MYBPC1: variants seen among roughly 807,000 people sequenced by gnomAD.
The protein encoded by MYBPC1 is myosin-binding protein C, slow-type.
In MYBPC1, 52 loss-of-function variants were observed where a neutral mutation model predicts 147.1. The ratio of observed to expected loss-of-function variants is 0.35; its 90% confidence interval spans 0.28 to 0.45. The LOEUF (loss-of-function observed/expected upper bound fraction) is 0.45, where lower values mean the gene tolerates loss of function less well. Among genes scored for constraint, MYBPC1 ranks in the 20% least tolerant of loss-of-function variants. The pLI is 1.00. For synonymous variants in MYBPC1, 477 were observed against 475.9 expected (o/e 1.00, Z -0.03); for missense variants, 1,228 against 1,440.3 (o/e 0.85, Z 2.39).
intron 6 of MYBPC1, among the ~76,000 whole-genome samples, chr12:101,630,094 C>G (rs565887939): frequency 2.0e-5 from 3 of 152,196 alleles, no homozygotes; most frequent in Non-Finnish European, 4.4e-5. Context: ...TGCTTTGTCT[C>G]TCTGGATTTA....
chr12:101,679,726 A>T (rs552737712), intron 28 of MYBPC1, among the ~76,000 whole-genome samples: 2 of 152,318 alleles, frequency 1.3e-5, no homozygotes, highest in Admixed American at 1.3e-4. Flanking sequence ...AGGCAGATGC[A>T]GTTCATAAAG....
rs558779402 is a variant in MYBPC1 at position 101,672,009 on chromosome 12, A to G, written c.2614-1418A>G. On this transcript the variant is annotated intron_variant, in intron 24 of 31. Transcript: ENST00000361466. ...AAAGGGAAGTTAAGTGACTTGCCCA[A>G]TGTCACACAGAAAGTCAATGGTAGG... Among the ~76,000 whole-genome samples the G allele has an allele frequency of 6.6e-5, 10 of 152,336 alleles. No homozygotes were observed. The East Asian group carries it at 7.7e-4, about 12-fold the overall frequency.
chr12:101,639,000 T>A (rs1891513922), intron 10 of MYBPC1, among the ~76,000 whole-genome samples: 1 of 152,078 alleles, frequency 6.6e-6, no homozygotes, highest in Non-Finnish European at 1.5e-5. Context: ...CTCCTCCAAG[T>A]GTGTGTGCCA....
In MYBPC1 at chr12:101,632,124, A is replaced by C; in HGVS notation, c.542A>C (p.Asp181Ala). ...YKDKFDSCSF[D>A]LEVHESTGTT... is the part of the protein sequence containing the mutation. ...GATAAGTTTGACAGCTGTTCATTTG[A>C]TCTTGAAGTGCACGGTAAGAGAGCC... Residue 181 changes from aspartate to alanine, a missense_variant, in exon 8 of 32, where the codon GAT becomes GCT. Around this residue, in one of 2 missense-constraint regions of MYBPC1, gnomAD observed 1,077 missense variants for 1,314.2 expected, o/e 0.82. Coordinates refer to ENST00000361466, the MANE Select transcript of MYBPC1 (RefSeq NM_002465.4). The C allele has an allele frequency of 1.2e-6, 2 of 1,610,620 alleles. No individual in the cohort carries two copies. The highest frequency in any genetic ancestry group is 1.7e-6 in the Non-Finnish European group (2 of 1,176,788).
Position 101,612,578 on chromosome 12 carries a change from A to G in MYBPC1, c.26-1918A>G, listed in dbSNP as rs140523219. Among the ~76,000 whole-genome samples the G allele has an allele frequency of 2.9e-3, 436 of 152,340 alleles. 9 individuals are homozygous for G. Among genetic ancestry groups the G allele is most frequent in the Admixed American group, 0.027 (414 of 15,306 alleles). ...AATAATAGAAATACTTTCAAGTAGA[A>G]TAATGGGATGAAACACAGTTGTAGG... On this transcript the variant is annotated intron_variant, in intron 1 of 31. Coordinates refer to ENST00000361466, the MANE Select transcript of MYBPC1 (RefSeq NM_002465.4).
In MYBPC1 at chr12:101,684,365, C is replaced by G. The variant is rs1951223110; in HGVS notation, c.3493-17C>G. ...GCTTACGACTTCTCTCTCTCTCCCT[C>G]TTTCTCTTTTCCTTAGTCATTGCAC... On this transcript the variant is annotated splice_polypyrimidine_tract_variant and intron_variant, in intron 30 of 31. Coordinates refer to ENST00000361466, the MANE Select transcript of MYBPC1 (RefSeq NM_002465.4). 2 of 1,566,032 alleles carry G rather than the reference C, an allele frequency of 1.3e-6. No individual in the cohort carries two copies. Among genetic ancestry groups the G allele is most frequent in the Non-Finnish European group, 1.7e-6 (2 of 1,145,688 alleles).
At chr12:101,649,998 T>C (rs948065199) in intron 15 of MYBPC1, among the ~76,000 whole-genome samples, 1 of 152,196 alleles carries the variant, frequency 6.6e-6, no homozygotes, top group Admixed American at 6.5e-5. Flanking sequence ...AGAGCAGAAA[T>C]CTTACTTCCA....
At chr12:101,652,243 T>A (rs1191125306) in intron 16 of MYBPC1, among the ~76,000 whole-genome samples, 7 of 152,198 alleles carry the variant, frequency 4.6e-5, no homozygotes, top group Non-Finnish European at 1.0e-4. Flanking sequence ...ATAGTGTCCA[T>A]CAGATATTCA....
At chr12:101,614,133 C>G (rs968576785) in intron 1 of MYBPC1, among the ~76,000 whole-genome samples, 9 of 152,296 alleles carry the variant, frequency 5.9e-5, no homozygotes, top group African/African-American at 1.9e-4. Flanking sequence ...GGCAGGAAAA[C>G]AGGCTCAGCA....
the MYBPC1 span, among the ~76,000 whole-genome samples, chr12:101,693,211 G>A: frequency 2.0e-5 from 3 of 152,274 alleles, no homozygotes; most frequent in African/African-American, 7.2e-5. Flanking sequence ...CTCCCAAGGT[G>A]CTGGGATTAC....
Position 101,675,284 on chromosome 12 carries a change from T to A in MYBPC1, c.2810-8T>A, listed in dbSNP as rs1566006139. ...ACCTTGCAGTGACACCATGAATTCATCCTGTAGACCGTCCAGGTCCACCCC... is the reference window on the plus strand; with the variant it reads ...ACCTTGCAGTGACACCATGAATTCAACCTGTAGACCGTCCAGGTCCACCCC... On this transcript the variant is annotated splice_region_variant and splice_polypyrimidine_tract_variant and intron_variant, in intron 25 of 31. Coordinates refer to ENST00000361466, the MANE Select transcript of MYBPC1 (RefSeq NM_002465.4). The A allele has an allele frequency of 6.2e-7, 1 of 1,613,926 alleles. No individual in the cohort carries two copies. Among genetic ancestry groups the A allele is most frequent in the East Asian group, 2.2e-5 (1 of 44,878 alleles).
chr12:101,652,064 G>A (rs1894583289), intron 16 of MYBPC1, among the ~76,000 whole-genome samples: 1 of 152,144 alleles, frequency 6.6e-6, no homozygotes, highest in South Asian at 2.1e-4. Flanking sequence ...ATTTGCGTAG[G>A]GGACATAATA....
At chr12:101,596,763 C>T (rs1877403255) in intron 1 of MYBPC1, among the ~76,000 whole-genome samples, 1 of 151,652 alleles carries the variant, frequency 6.6e-6, no homozygotes, top group Non-Finnish European at 1.5e-5. Context: ...TTAACTTCAG[C>T]CCCCACCCCC....
At chr12:101,694,995 G>A in the MYBPC1 span, among the ~76,000 whole-genome samples, 2 of 152,154 alleles carry the variant, frequency 1.3e-5, no homozygotes, top group African/African-American at 4.8e-5. Context: ...GGATACATGT[G>A]CAAGAATTTC....
At chr12:101,661,020 C>A in intron 19 of MYBPC1, 138 bp from the exon 20 acceptor site, 1 of 616,412 alleles carries the variant, frequency 1.6e-6, no homozygotes, top group Non-Finnish European at 2.9e-6. Context: ...ATATCATAAG[C>A]ATAATTCAGT....
intron 25 of MYBPC1, 111 bp downstream of exon 25, chr12:101,673,733 T>C: frequency 8.4e-7 from 1 of 1,191,498 alleles, no homozygotes; most frequent in Non-Finnish European, 1.2e-6. Context: ...TACATAAAAC[T>C]CTTTTTTTAG....
At chr12:101,646,337 C>T (rs573807113) in intron 12 of MYBPC1, among the ~76,000 whole-genome samples, 1 of 147,510 alleles carries the variant, frequency 6.8e-6, no homozygotes, top group African/African-American at 2.5e-5. Flanking sequence ...AGATATGATA[C>T]CTAAAGAGCA....
chr12:101,614,626 G>A lies in MYBPC1; in HGVS notation c.61+95G>A, dbSNP rs142658855. ...CCTCCACGGGTGCTGTGAGCTGTGA[G>A]CTTTAACCTAACTCCTACTGAGAAG... On this transcript the variant is annotated intron_variant, in intron 2 of 31. Transcript: ENST00000361466. 699 of 1,281,690 alleles carry A rather than the reference G, an allele frequency of 5.5e-4. 2 individuals carry two copies. In the African/African-American group the frequency reaches 9.6e-3, roughly 18 times the overall value. 79.4% of individuals were successfully genotyped at this position (1,281,690 alleles called of 1,614,324 possible). A position where few individuals can be genotyped will look rare whatever the true frequency, so the allele number is the denominator to read the frequency against.
chr12:101,664,990 C>G (rs1321226219), intron 22 of MYBPC1, among the ~76,000 whole-genome samples: 2 of 152,078 alleles, frequency 1.3e-5, no homozygotes, highest in African/African-American at 4.8e-5. Flanking sequence ...TGTGATGTGG[C>G]CTTTGAGCAT....
Sources: allele counts gnomAD v4.1 joint callset (sites outside exome capture counted in the v4.1 genomes callset), GRCh38; gene constraint gnomAD v4.1.1; regional missense constraint gnomAD v4.1.1; transcripts MANE v1.5; gene names NCBI Gene and HGNC (gene_info 2026-07-23, HGNC 2026-07-21).